The following INTS6L variants were observed in gnomAD, a reference collection of about 807,000 sequenced individuals.
INTS6L encodes integrator complex subunit 6-like.
A neutral mutation model predicts 64.7 loss-of-function variants in INTS6L; 18 were observed. The ratio of observed to expected loss-of-function variants is 0.28; its 90% confidence interval spans 0.19 to 0.41. The LOEUF is 0.41. Ranked by LOEUF, INTS6L falls within the 10% of genes least tolerant of loss-of-function variation. The probability of loss-of-function intolerance (pLI) is 1.00; values close to 1 mark genes in which losing one functional copy is unlikely to be tolerated. For synonymous variants in INTS6L, 227 were observed against 235.9 expected (o/e 0.96, Z 0.34); for missense variants, 533 against 661.0 (o/e 0.81, Z 2.12).
chrX:135,539,129 A>G (rs1556511174), intron 2 of INTS6L, among the ~76,000 whole-genome samples: 2 of 112,317 alleles, frequency 1.8e-5, no homozygotes, highest in Admixed American at 9.4e-5. Context: ...GAAGTCAGGC[A>G]TTGACTTCTC....
intron 7 of INTS6L, 64 bp downstream of exon 7, chrX:135,549,869 A>G (rs1177255774): frequency 1.7e-6 from 2 of 1,152,201 alleles, no homozygotes; most frequent in Non-Finnish European, 2.4e-6. Context: ...ATTACAGTGA[A>G]CCTTTTAAAA....
intron 2 of INTS6L, among the ~76,000 whole-genome samples, chrX:135,542,342 TA>T (rs1456728760): frequency 3.1e-4 from 34 of 109,693 alleles, no homozygotes; most frequent in African/African-American, 1.1e-3. Flanking sequence ...TACTAAAATA[TA>T]AAAAATTAGC....
Position 135,521,255 on chromosome X carries a change from C to T in INTS6L, c.126C>T (p.Asp42=), listed in dbSNP as rs1556496545. The T allele has an allele frequency of 2.5e-6, 3 of 1,208,454 alleles. No individual in the cohort carries two copies. Among genetic ancestry groups the T allele is most frequent in the Non-Finnish European group, 3.4e-6 (3 of 893,988 alleles). The change falls in exon 2 of 18, where the codon GAC becomes GAT. Residue 42 remains aspartate, a synonymous_variant. Transcript: ENST00000639893. ...TTGCCCCGCAGCTGCGCGCCCGGGA[C>T]CCGGCCAGCCGTGGAGACAGGTACA... ...VELFLKLRAR[D]PASRGDRYML...
chrX:135,562,922 A>C (rs1556522862), intron 9 of INTS6L, among the ~76,000 whole-genome samples: 1 of 109,847 alleles, frequency 9.1e-6, no homozygotes, highest in Non-Finnish European at 1.9e-5. Flanking sequence ...TTTTTAATCC[A>C]CTCTGCCAAT....
intron 2 of INTS6L, among the ~76,000 whole-genome samples, chrX:135,521,837 C>G (rs1231214470): frequency 3.7e-5 from 4 of 108,962 alleles, no homozygotes; most frequent in African/African-American, 1.3e-4. Context: ...AGCCTGGGCT[C>G]CTCCTCTGGC....
At chrX:135,544,296 TCTTA>T (rs1231270222) in intron 2 of INTS6L, among the ~76,000 whole-genome samples, 4 of 112,300 alleles carry the variant, frequency 3.6e-5, no homozygotes, top group Non-Finnish European at 7.5e-5. Flanking sequence ...CTGCCCCCTT[TCTTA>T]CTTCCCAGTC....
intron 9 of INTS6L, among the ~76,000 whole-genome samples, chrX:135,563,141 G>A (rs1556522950): frequency 9.0e-6 from 1 of 110,519 alleles, no homozygotes; most frequent in Admixed American, 9.6e-5. Context: ...ATATCTGTTT[G>A]GATAGCTTTT....
At chrX:135,570,657 C>CA in intron 11 of INTS6L, 111 bp downstream of exon 11, 1 of 860,467 alleles carries the variant, frequency 1.2e-6, no homozygotes, top group Non-Finnish European at 1.6e-6. Context: ...TATCTCTACA[C>CA]TTTATGGATT....
At chrX:135,534,050 C>G (rs1042774920) in intron 2 of INTS6L, among the ~76,000 whole-genome samples, 3 of 110,771 alleles carry the variant, frequency 2.7e-5, no homozygotes, top group East Asian at 2.8e-4. Flanking sequence ...TGTTACTGTC[C>G]ACTGGTGAAG....
chrX:135,534,983 A>G (rs2086015544), intron 2 of INTS6L, among the ~76,000 whole-genome samples: 2 of 111,162 alleles, frequency 1.8e-5, no homozygotes, highest in Non-Finnish European at 3.8e-5. Context: ...TATCCTTTAA[A>G]AAGTAATTTT....
rs1556515176 is a variant in INTS6L, at chrX:135,546,746, C to G, written c.474C>G (p.Thr158=). ...CCCCTCTGCCTGGAAGTGAACTAAC[C>G]AAAGAACCTTTTCGTTGGGATCAAA... ...LNSPLPGSEL[T]KEPFRWDQRL... The change falls in exon 5 of 18, where the codon ACC becomes ACG. Residue 158 remains threonine, a synonymous_variant. Transcript: ENST00000639893. 8.3e-7 allele frequency: 1 copy of G among 1,211,211 alleles called. No homozygotes were observed. The highest frequency in any genetic ancestry group is 2.2e-5 in the Admixed American group (1 of 45,987).
intron 2 of INTS6L, among the ~76,000 whole-genome samples, chrX:135,531,304 G>A (rs1191985541): frequency 2.7e-5 from 3 of 111,437 alleles, no homozygotes; most frequent in Non-Finnish European, 3.8e-5. Context: ...CTTGGGGAGT[G>A]TATCCTGCTT....
intron 2 of INTS6L, 23 bp from the exon 3 acceptor site, chrX:135,545,400 C>A (rs1373877438): frequency 7.5e-6 from 9 of 1,201,897 alleles, no homozygotes; most frequent in Non-Finnish European, 1.0e-5. Flanking sequence ...TCAAGAAATT[C>A]TTTGTAAATG....
Position 135,581,130 on chromosome X carries a change from A to C in INTS6L, c.2575A>C (p.Lys859Gln). Residue 859 changes from lysine to glutamine, a missense_variant, in exon 17 of 18, where the codon AAG becomes CAG. By Grantham distance (53) the Lys-to-Gln change is moderately conservative (BLOSUM62 1). Coordinates refer to ENST00000639893, the MANE Select transcript of INTS6L (RefSeq NM_001351601.3). ...MKKQFVEFTI[K>Q]EAARFKRRVL... is the part of the protein sequence containing the mutation. ...GAAACAGTTTGTTGAATTTACCATCAAGGAAGCCGCAAGGTAGGTATAAAC... is the reference window on the plus strand; with the variant it reads ...GAAACAGTTTGTTGAATTTACCATCCAGGAAGCCGCAAGGTAGGTATAAAC... 1 of 1,193,172 alleles carries C rather than the reference A, an allele frequency of 8.4e-7. No homozygotes were observed. The highest frequency in any genetic ancestry group is 3.0e-5 in the East Asian group (1 of 33,206).
chrX:135,526,966 T>C (rs2085756519), intron 2 of INTS6L, among the ~76,000 whole-genome samples: 1 of 112,194 alleles, frequency 8.9e-6, no homozygotes, highest in South Asian at 3.7e-4. Context: ...GTTTATAATA[T>C]GGTAGAATCT....
At chrX:135,543,537 G>A (rs2086279000) in intron 2 of INTS6L, among the ~76,000 whole-genome samples, 1 of 111,460 alleles carries the variant, frequency 9.0e-6, no homozygotes, top group African/African-American at 3.3e-5. Context: ...GTCTCCATAA[G>A]TGCATCTCTT....
chrX:135,550,001 T>C (rs1224037671), intron 7 of INTS6L, among the ~76,000 whole-genome samples, 196 bp downstream of exon 7: 1 of 112,805 alleles, frequency 8.9e-6, no homozygotes, highest in African/African-American at 3.2e-5. Context: ...TATTTTCTGA[T>C]ACTTGTCATT....
intron 10 of INTS6L, 30 bp downstream of exon 10, chrX:135,569,461 C>T: frequency 1.1e-6 from 1 of 898,763 alleles, no homozygotes; most frequent in Non-Finnish European, 1.5e-6. Flanking sequence ...TATGTATTAA[C>T]TGTATCAATG....
intron 10 of INTS6L, 53 bp downstream of exon 10, chrX:135,569,484 A>G: frequency 1.2e-6 from 1 of 802,200 alleles, no homozygotes. Flanking sequence ...AATTCTTGTC[A>G]CAAGAAATGT....
Sources: allele counts gnomAD v4.1 joint callset (sites outside exome capture counted in the v4.1 genomes callset), GRCh38; gene constraint gnomAD v4.1.1; transcripts MANE v1.5; gene names NCBI Gene and HGNC (gene_info 2026-07-23, HGNC 2026-07-21).